Variants in RIMS1 observed in about 807,000 individuals in gnomAD.
The protein encoded by RIMS1 is regulating synaptic membrane exocytosis protein 1.
Under a neutral mutation model 214.1 loss-of-function variants are expected in RIMS1, and 83 were observed. The ratio of observed to expected loss-of-function variants is 0.39; its 90% CI spans 0.32 to 0.47. RIMS1 has a LOEUF of 0.47. Among genes scored for constraint, RIMS1 ranks in the 20% least tolerant of loss-of-function variants. The pLI, the probability that RIMS1 is intolerant of heterozygous loss-of-function variation, is 0.99. For synonymous variants in RIMS1, 793 were observed against 786.8 expected, an observed-to-expected ratio of 1.01 and a Z score of -0.13; for missense variants, 2,050 against 2,161.8, an observed-to-expected ratio of 0.95 and a Z score of 1.03.
chr6:72,268,300 G>C (rs2081503525), intron 22 of RIMS1, among the ~76,000 whole-genome samples: 2 of 152,094 alleles, frequency 1.3e-5, no homozygotes. Flanking sequence ...GAGGGTTTTC[G>C]AGGCTACTTA....
intron 2 of RIMS1, among the ~76,000 whole-genome samples, chr6:72,001,712 C>T (rs539759561): frequency 7.9e-5 from 12 of 152,184 alleles, no homozygotes; most frequent in African/African-American, 2.2e-4. Context: ...GTATCAAACA[C>T]GACATATTAT....
In RIMS1 at chr6:72,182,956, G is replaced by T; in HGVS notation, c.1485G>T (p.Met495Ile). ...RKAKREKVET[M>I]LRNDSLSSDQ... is the part of the protein sequence containing the mutation. The stretch of plus-strand genomic sequence containing the variant: ...CCAAGCGCGAGAAGGTGGAGACCAT[G>T]CTGCGGAACGACTCTTTGAGCTCAG... The change falls in exon 6 of 34, where the codon ATG becomes ATT. Residue 495 changes from methionine to isoleucine, a missense_variant. Physicochemically the swap from Met to Ile is conservative, Grantham distance 10. This residue lies in a region of RIMS1 where 882 missense variants were observed against 828.9 expected (regional missense o/e 1.06). Transcript: ENST00000521978. The T allele has an allele frequency of 1.3e-6, 2 of 1,592,412 alleles. No individual in the cohort carries two copies. The highest frequency in any genetic ancestry group is 1.7e-6 in the Non-Finnish European group (2 of 1,170,590).
intron 19 of RIMS1, chr6:72,261,133 G>A (rs2077799559): frequency 1.9e-6 from 2 of 1,072,172 alleles, no homozygotes; most frequent in Admixed American, 4.9e-5. Context: ...TCTAATCTGT[G>A]TATGGCAGTG....
chr6:72,262,541 T>A (rs2154166773), intron 19 of RIMS1: 1 of 984,666 alleles, frequency 1.0e-6, no homozygotes, highest in Admixed American at 6.2e-5. Flanking sequence ...CATTCTCTAA[T>A]GTGTAATGCT....
chr6:72,265,544 T>C, intron 21 of RIMS1, 41 bp downstream of exon 21: 2 of 1,260,484 alleles, frequency 1.6e-6, no homozygotes, highest in Non-Finnish European at 2.3e-6. Context: ...TTCCCTTGTT[T>C]ATTGTTGTGA....
chr6:72,387,579 A>G (rs753099147), intron 29 of RIMS1, among the ~76,000 whole-genome samples: 8 of 152,338 alleles, frequency 5.3e-5, no homozygotes, highest in Non-Finnish European at 1.2e-4. Flanking sequence ...AGCATTTACA[A>G]TGGCCATAGA....
intron 2 of RIMS1, among the ~76,000 whole-genome samples, chr6:72,064,361 G>T (rs1365508747): frequency 6.6e-6 from 1 of 151,752 alleles, no homozygotes; most frequent in Non-Finnish European, 1.5e-5. Context: ...GGGAAGGAAG[G>T]AAGGAAGGGA....
chr6:72,133,888 G>A (rs2040851755), intron 4 of RIMS1, among the ~76,000 whole-genome samples: 1 of 152,140 alleles, frequency 6.6e-6, no homozygotes, highest in African/African-American at 2.4e-5. Flanking sequence ...GTGTTAGGCA[G>A]CTGAGGACTC....
chr6:72,283,691 A>G (rs540407509), intron 23 of RIMS1, among the ~76,000 whole-genome samples: 14 of 152,122 alleles, frequency 9.2e-5, no homozygotes, highest in African/African-American at 3.4e-4. Flanking sequence ...CCATCATCAC[A>G]TTTATCATTA....
intron 6 of RIMS1, chr6:72,217,106 G>A (rs763752128): frequency 1.3e-6 from 2 of 1,525,272 alleles, no homozygotes; most frequent in South Asian, 1.2e-5. Context: ...TTTTAATTGT[G>A]TTGTGCATTT....
intron 9 of RIMS1, among the ~76,000 whole-genome samples, chr6:72,240,137 A>G (rs1426640456): frequency 1.3e-5 from 2 of 152,150 alleles, no homozygotes; most frequent in African/African-American, 4.8e-5. Flanking sequence ...TGTCATTTTC[A>G]TCTTTGTACC....
intron 4 of RIMS1, among the ~76,000 whole-genome samples, chr6:72,114,310 A>G (rs2036655444): frequency 1.3e-5 from 2 of 152,030 alleles, no homozygotes; most frequent in Admixed American, 1.3e-4. Context: ...CTGGAGTCGT[A>G]TTAGTTATTA....
intron 1 of RIMS1, among the ~76,000 whole-genome samples, chr6:71,927,870 C>A (rs1259326934): frequency 2.0e-5 from 3 of 151,884 alleles, no homozygotes; most frequent in Non-Finnish European, 4.4e-5. Context: ...TATAAATTGC[C>A]ACTTGCCAAT....
At chr6:71,930,861 G>A (rs1782820631) in intron 1 of RIMS1, among the ~76,000 whole-genome samples, 1 of 151,964 alleles carries the variant, frequency 6.6e-6, no homozygotes, top group South Asian at 2.1e-4. Flanking sequence ...AATCAGAATG[G>A]ATTAAAAGCA....
chr6:71,909,432 G>C (rs1776262182), intron 1 of RIMS1, among the ~76,000 whole-genome samples: 1 of 152,062 alleles, frequency 6.6e-6, no homozygotes, highest in South Asian at 2.1e-4. Context: ...ATGAAGAGTT[G>C]ACTCTCTGAA....
chr6:72,171,098 C>T (rs1387889616), intron 4 of RIMS1, among the ~76,000 whole-genome samples: 1 of 151,990 alleles, frequency 6.6e-6, no homozygotes, highest in Non-Finnish European at 1.5e-5. Context: ...AGGGCTGCTC[C>T]TTAACCATGA....
At chr6:71,972,802 A>G (rs1284614055) in intron 2 of RIMS1, among the ~76,000 whole-genome samples, 3 of 152,218 alleles carry the variant, frequency 2.0e-5, no homozygotes, top group Non-Finnish European at 4.4e-5. Context: ...AAATTATAAT[A>G]CTGAATAATA....
At chr6:71,911,662 T>G (rs1776974157) in intron 1 of RIMS1, among the ~76,000 whole-genome samples, 1 of 152,150 alleles carries the variant, frequency 6.6e-6, no homozygotes, top group Non-Finnish European at 1.5e-5. Flanking sequence ...CAAAATCTCA[T>G]TCACCAAAGC....
intron 5 of RIMS1, among the ~76,000 whole-genome samples, chr6:72,180,745 G>A (rs538448173): frequency 1.2e-4 from 19 of 152,166 alleles, no homozygotes; most frequent in Non-Finnish European, 2.6e-4. Flanking sequence ...CCTAGACTGG[G>A]CTTATTGTTT....
Sources: allele counts gnomAD v4.1 joint callset (sites outside exome capture counted in the v4.1 genomes callset), GRCh38; gene constraint gnomAD v4.1.1; regional missense constraint gnomAD v4.1.1; transcripts MANE v1.5; gene names NCBI Gene and HGNC (gene_info 2026-07-23, HGNC 2026-07-21).